Variants in PTPRT observed in about 807,000 individuals in gnomAD.
PTPRT encodes the protein protein tyrosine phosphatase receptor type T, also known as receptor-type tyrosine-protein phosphatase T.
Under a neutral mutation model 176.8 loss-of-function variants are expected in PTPRT, and 56 were observed. That is an observed-to-expected ratio of 0.32 (90% confidence interval 0.26 to 0.40). The LOEUF (loss-of-function observed/expected upper bound fraction) is 0.40. Ranked by LOEUF, PTPRT falls within the 10% of genes least tolerant of loss-of-function variation. The pLI is 1.00. For synonymous variants in PTPRT, 783 were observed against 739.0 expected (o/e 1.06, Z -0.96); for missense variants, 1,540 against 1,908.2 (o/e 0.81, Z 3.60).
chr20:42,932,055 G>A (rs1275149387), intron 1 of PTPRT, among the ~76,000 whole-genome samples: 1 of 152,218 alleles, frequency 6.6e-6, no homozygotes, highest in Admixed American at 6.5e-5. Context: ...GCTTGGGCGT[G>A]AGTCCTGCAA....
chr20:42,572,012 C>T (rs1211289738), intron 7 of PTPRT, among the ~76,000 whole-genome samples: 3 of 152,120 alleles, frequency 2.0e-5, no homozygotes, highest in African/African-American at 7.2e-5. Flanking sequence ...AATTTATTAG[C>T]AACAGAAATT....
chr20:43,157,506 A>C (rs987670568), intron 1 of PTPRT, among the ~76,000 whole-genome samples: 3 of 152,214 alleles, frequency 2.0e-5, no homozygotes, highest in African/African-American at 7.2e-5. Flanking sequence ...AAGCCAACCC[A>C]TAGCTGATTA....
In PTPRT at chr20:42,888,474, T is replaced by C. The variant is rs59450848; in HGVS notation, c.89-2542A>G. Among the ~76,000 whole-genome samples the C allele has an allele frequency of 7.9e-3, 1,209 of 152,316 alleles. 16 individuals carry two copies. Among genetic ancestry groups the C allele is most frequent in the African/African-American group, 0.028 (1,151 of 41,558 alleles). On this transcript the variant is annotated intron_variant, in intron 1 of 30. Coordinates refer to ENST00000373187, the MANE Select transcript of PTPRT (RefSeq NM_007050.6). ...ATCCTCACAAACCACATGAGGTACA[T>C]TTTATCTCAACTTTAAATCTAAGAG...
At chr20:42,375,481 T>C (rs2058639932) in intron 9 of PTPRT, among the ~76,000 whole-genome samples, 1 of 152,202 alleles carries the variant, frequency 6.6e-6, no homozygotes, top group South Asian at 2.1e-4. Context: ...CCCTTCAGCC[T>C]TCTGCCATAT....
chr20:43,090,188 A>G (rs2011765459), intron 1 of PTPRT, among the ~76,000 whole-genome samples: 1 of 152,222 alleles, frequency 6.6e-6, no homozygotes, highest in Non-Finnish European at 1.5e-5. Context: ...AGACACAAAC[A>G]AGAACTTTCA....
At chr20:43,038,690 C>T (rs1397168379) in intron 1 of PTPRT, among the ~76,000 whole-genome samples, 2 of 151,546 alleles carry the variant, frequency 1.3e-5, no homozygotes, top group Non-Finnish European at 2.9e-5. Flanking sequence ...TTATTGTCTA[C>T]CTTCAAACCC....
At chr20:42,327,384 A>G (rs1046930170) in intron 11 of PTPRT, among the ~76,000 whole-genome samples, 2 of 152,078 alleles carry the variant, frequency 1.3e-5, no homozygotes, top group Admixed American at 6.6e-5. Context: ...AAAAAGCTTT[A>G]AAGGACAATT....
Position 43,189,723 on chromosome 20 carries a change from A to T in PTPRT, c.11T>A (p.Leu4His). Residue 4 changes from leucine (L) to histidine (H), a missense_variant, in exon 1 of 31, where the codon CTC becomes CAC. Leu to His is a moderately conservative substitution (Grantham distance 99, BLOSUM62 -3). Coordinates refer to ENST00000373187, the MANE Select transcript of PTPRT (RefSeq NM_007050.6). The surrounding 1 kb of genome is among the most constrained non-coding windows in gnomAD (Gnocchi z 5.0). ...GAGCAGGCTGAGGGCGAGCGCGGCG[A>T]GGCTCGCCATCCGGGCGGCGGCGGG... MAS[L>H]AALALSLLLR... 3 of 1,256,428 alleles carry T rather than the reference A, an allele frequency of 2.4e-6. No homozygotes were observed. Among genetic ancestry groups the T allele is most frequent in the Non-Finnish European group, 3.0e-6 (3 of 1,002,676 alleles). 77.8% of individuals were successfully genotyped at this position (1,256,428 alleles called of 1,614,324 possible). A position where few individuals can be genotyped will look rare whatever the true frequency, so the allele number is the denominator to read the frequency against.
At chr20:42,067,956 C>T (rs879665265), downstream of PTPRT, among the ~76,000 whole-genome samples, 4 of 152,082 alleles carry the variant, frequency 2.6e-5, no homozygotes, top group African/African-American at 2.4e-5. Context: ...AGGGAAGGAA[C>T]GAGAAAGAGG....
In PTPRT at chr20:42,141,965, G is replaced by A; in HGVS notation, c.2720C>T (p.Ala907Val). 1 of 1,614,060 alleles carries A rather than the reference G, an allele frequency of 6.2e-7. No individual in the cohort carries two copies. ...CTTATTGCGGTTTTCATCCTCCTTG[G>A]CTGTGTCCCACGAAGCTGTCTGCCC... is the stretch of plus-strand genomic sequence containing the variant. ...PEGQTASWDTAKEDENRNKNR... is the reference protein window; with the variant it reads ...PEGQTASWDTVKEDENRNKNR... The change falls in exon 18 of 31, where the codon GCC (alanine) becomes GTC (valine). Residue 907 changes from alanine (A) to valine (V), a missense_variant. By Grantham distance (64) the Ala-to-Val change is moderately conservative. Coordinates refer to ENST00000373187, the MANE Select transcript of PTPRT (RefSeq NM_007050.6).
At chr20:42,780,924 A>G (rs1208492570) in intron 3 of PTPRT, among the ~76,000 whole-genome samples, 1 of 152,164 alleles carries the variant, frequency 6.6e-6, no homozygotes, top group Admixed American at 6.5e-5. Context: ...ATCTTCACCA[A>G]GGAGATATGA....
chr20:42,532,426 G>C (rs2072400664), intron 7 of PTPRT, among the ~76,000 whole-genome samples: 2 of 151,960 alleles, frequency 1.3e-5, no homozygotes, highest in Non-Finnish European at 2.9e-5. Flanking sequence ...TTTGAGACAG[G>C]GTCTCAAATC....
intron 7 of PTPRT, among the ~76,000 whole-genome samples, chr20:42,604,416 C>G (rs1292725009): frequency 6.6e-6 from 1 of 152,118 alleles, no homozygotes; most frequent in South Asian, 2.1e-4. Flanking sequence ...TTATTTGGAT[C>G]CCCAGGAGCT....
intron 1 of PTPRT, among the ~76,000 whole-genome samples, chr20:43,170,070 C>T (rs1159953327): frequency 6.6e-6 from 1 of 151,852 alleles, no homozygotes; most frequent in Non-Finnish European, 1.5e-5. Flanking sequence ...GCCCACCCAC[C>T]GGTGTTGATG....
At chr20:42,413,864 T>C (rs1204631341) in intron 9 of PTPRT, among the ~76,000 whole-genome samples, 1 of 152,214 alleles carries the variant, frequency 6.6e-6, no homozygotes, top group Non-Finnish European at 1.5e-5. Context: ...CTTTATTTTT[T>C]GTTTGAGACA....
At chr20:42,756,417 T>C (rs368519462) in intron 6 of PTPRT, 45 bp downstream of exon 6, 6 of 1,468,570 alleles carry the variant, frequency 4.1e-6, no homozygotes, top group Non-Finnish European at 5.4e-6. Context: ...GGCCCATTAA[T>C]GCCAACCTTC....
chr20:42,774,935 C>T (rs1383290682), intron 4 of PTPRT, among the ~76,000 whole-genome samples: 2 of 152,174 alleles, frequency 1.3e-5, no homozygotes, highest in East Asian at 3.9e-4. Context: ...TTCCATGCCC[C>T]CAAACGGCCT....
intron 1 of PTPRT, among the ~76,000 whole-genome samples, chr20:42,908,015 G>A (rs1353099568): frequency 1.3e-5 from 2 of 152,130 alleles, no homozygotes; most frequent in African/African-American, 4.8e-5. Context: ...AGAGGTAACA[G>A]TCTGAAAGTC....
chr20:42,825,380 A>G (rs1204218685), intron 2 of PTPRT, among the ~76,000 whole-genome samples: 1 of 152,178 alleles, frequency 6.6e-6, no homozygotes, highest in African/African-American at 2.4e-5. Context: ...ATACGGCAAT[A>G]TGATATAATT....
Sources: gnomAD v4.1 joint callset for allele counts (sites outside exome capture counted in the v4.1 genomes callset) on GRCh38, gnomAD v4.1.1 for gene constraint, Gnocchi (gnomAD v3.1) non-coding constraint, MANE v1.5 for transcripts, NCBI Gene and HGNC (gene_info 2026-07-23, HGNC 2026-07-21) for gene names.